The following DLAT variants were observed in gnomAD, a reference collection of about 807,000 sequenced individuals.
DLAT encodes the protein dihydrolipoyllysine-residue acetyltransferase component of pyruvate dehydrogenase complex, mitochondrial.
A neutral mutation model predicts 68.0 loss-of-function variants in DLAT; 43 were observed. That is an observed-to-expected ratio of 0.63 (90% CI 0.50 to 0.81). The LOEUF is 0.81. Ranked by LOEUF, DLAT falls within the 40% of genes least tolerant of loss-of-function variation. The pLI is 0.00. For synonymous variants in DLAT, 265 were observed against 288.6 expected, an observed-to-expected ratio of 0.92 and a Z score of 0.83; for missense variants, 745 against 815.4, an observed-to-expected ratio of 0.91 and a Z score of 1.05.
chr11:112,055,235 ATTTTT>A, intron 11 of DLAT, among the ~76,000 whole-genome samples: 1 of 75,454 alleles, frequency 1.3e-5, no homozygotes, highest in Non-Finnish European at 2.5e-5. Context: ...GTCAAGGCCT[ATTTTT>A]TTTTTTTTTT....
At chr11:112,046,978 A>G (rs1380496016) in intron 10 of DLAT, among the ~76,000 whole-genome samples, 1 of 152,216 alleles carries the variant, frequency 6.6e-6, no homozygotes, top group Non-Finnish European at 1.5e-5. Context: ...CTTTGGGTCT[A>G]TACCCAGTAA....
intron 11 of DLAT, among the ~76,000 whole-genome samples, chr11:112,057,291 A>G (rs73568040): frequency 0.025 from 3,799 of 152,294 alleles, 164 homozygotes; most frequent in African/African-American, 0.087. Context: ...GTAACTCTAC[A>G]ATGGCCTCTG....
chr11:112,029,846 C>A, intron 4 of DLAT: 1 of 600,386 alleles, frequency 1.7e-6, no homozygotes. Context: ...TACATCTCCC[C>A]GCACTTTGAG....
In DLAT at chr11:112,059,852, C is replaced by T. The variant is rs3882890; in HGVS notation, c.1515-51C>T. ...AAATATTCTTGCTTAACCTGGCACA[C>T]AGGCTCTTAATAAACAGTTTTTTAT... is the stretch of plus-strand genomic sequence containing the variant. On this transcript the variant is annotated intron_variant, in intron 11 of 13. Coordinates refer to ENST00000280346, the MANE Select transcript of DLAT (RefSeq NM_001931.5). The T allele has an allele frequency of 0.4, 574,078 of 1,451,596 alleles. 116,856 individuals are homozygous for T. Among genetic ancestry groups the T allele is most frequent in the African/African-American group, 0.61 (42,841 of 70,388 alleles). 89.9% of individuals were successfully genotyped at this position (1,451,596 alleles called of 1,614,324 possible).
intron 11 of DLAT, among the ~76,000 whole-genome samples, chr11:112,058,671 T>G (rs1248375453): frequency 6.6e-6 from 1 of 151,686 alleles, no homozygotes; most frequent in Non-Finnish European, 1.5e-5. Context: ...CATTTAGCAT[T>G]TCTTCCTTTT....
rs782757875 is a variant in DLAT at position 112,064,247 on chromosome 11, C to T, written c.*1712C>T. 1.3e-6 allele frequency: 2 copies of T among 1,537,584 alleles called. No homozygotes were observed. The highest frequency in any genetic ancestry group is 1.8e-6 in the Non-Finnish European group (2 of 1,142,290). On this transcript the variant is annotated 3_prime_UTR_variant, in exon 14 of 14. Transcript: ENST00000280346. ...CTTGAAAAAAAATAAAAACAGTTGCCTTCTAATAAACATTGTTGAGTTAAA... is the reference window on the plus strand; with the variant it reads ...CTTGAAAAAAAATAAAAACAGTTGCTTTCTAATAAACATTGTTGAGTTAAA...
At chr11:112,030,757 T>C (rs1862348913) in intron 4 of DLAT, among the ~76,000 whole-genome samples, 1 of 152,254 alleles carries the variant, frequency 6.6e-6, no homozygotes, top group Non-Finnish European at 1.5e-5. Context: ...CCAGCCGTCC[T>C]TTTCTAAATA....
At chr11:112,039,851 G>A (rs187576602) in intron 7 of DLAT, among the ~76,000 whole-genome samples, 1,942 of 152,254 alleles carry the variant, frequency 0.013, 149 homozygotes, top group Admixed American at 0.11. Flanking sequence ...AAGGGAAAAC[G>A]CCTTACTTGT....
chr11:112,054,010 A>G (rs1863837285), intron 11 of DLAT, among the ~76,000 whole-genome samples: 2 of 151,984 alleles, frequency 1.3e-5, no homozygotes, highest in South Asian at 4.2e-4. Context: ...ACAAATTTGG[A>G]TTAAATCTAT....
At chr11:112,038,235 G>A (rs1031891638) in intron 6 of DLAT, among the ~76,000 whole-genome samples, 8 of 152,214 alleles carry the variant, frequency 5.3e-5, no homozygotes, top group East Asian at 1.9e-4. Context: ...GTCTTGCTCC[G>A]TCACCCAGGC....
chr11:112,062,878 C>T lies in DLAT; in HGVS notation c.*343C>T, dbSNP rs1417913685. ...CCTAAAGACAAGTACATAAAGGTGA[C>T]CCTGATGAAACCTTGAAGTTCTGAA... On this transcript the variant is annotated 3_prime_UTR_variant, in exon 14 of 14. Coordinates refer to ENST00000280346, the MANE Select transcript of DLAT (RefSeq NM_001931.5). 1.5e-5 allele frequency: 4 copies of T among 259,890 alleles called. No homozygotes were observed. The highest frequency in any genetic ancestry group is 3.0e-5 in the Non-Finnish European group (4 of 131,884). The allele number at this position is 259,890 out of a possible 1,614,324, so 16.1% of individuals were successfully genotyped here.
intron 7 of DLAT, among the ~76,000 whole-genome samples, chr11:112,042,819 T>C (rs978610250): frequency 1.3e-5 from 2 of 152,218 alleles, no homozygotes; most frequent in East Asian, 3.9e-4. Flanking sequence ...CGGGCCAGTT[T>C]AGAGCCTTGG....
chr11:112,026,175 T>C (rs556465), intron 1 of DLAT, 23 bp from the exon 2 acceptor site: 1 of 1,568,178 alleles, frequency 6.4e-7, no homozygotes, highest in African/African-American at 1.3e-5. Flanking sequence ...AAAATTTTAA[T>C]GTTTCTTCTT....
intron 10 of DLAT, among the ~76,000 whole-genome samples, chr11:112,048,260 C>G (rs1027927242): frequency 3.3e-5 from 5 of 152,088 alleles, no homozygotes; most frequent in Non-Finnish European, 5.9e-5. Flanking sequence ...CACAATTTGG[C>G]TCTCTGTTTG....
Position 112,062,471 on chromosome 11 carries a change from T to C in DLAT, c.1880T>C (p.Val627Ala), listed in dbSNP as rs782428411. 4 of 1,612,804 alleles carry C rather than the reference T, an allele frequency of 2.5e-6. No homozygotes were observed. ...SCDHRVVDGA[V>A]GAQWLAEFRK... The stretch of plus-strand genomic sequence containing the variant: ...GATCACCGGGTGGTGGATGGAGCAG[T>C]TGGAGCCCAGTGGCTTGCTGAGTTT... The change falls in exon 14 of 14, where the codon GTT (valine) becomes GCT (alanine). Residue 627 changes from valine to alanine, a missense_variant. Coordinates refer to ENST00000280346, the MANE Select transcript of DLAT (RefSeq NM_001931.5).
At chr11:112,043,367 A>G in intron 7 of DLAT, 99 bp from the exon 8 acceptor site, 12 of 1,116,042 alleles carry the variant, frequency 1.1e-5, no homozygotes, top group Non-Finnish European at 1.7e-5. Context: ...TGTTTTTGGT[A>G]GTAAACCCTT....
At chr11:112,036,201 G>GTGTGTGTGT (rs1555180455) in intron 5 of DLAT, among the ~76,000 whole-genome samples, 44 of 36,468 alleles carry the variant, frequency 1.2e-3, no homozygotes, top group Admixed American at 2.2e-3. Context: ...GTGTGTGTGT[G>GTGTGTGTGT]TTTTTTTTTT....
Position 112,064,330 on chromosome 11 carries a change from A to G in DLAT, c.*1795A>G, listed in dbSNP as rs1864822454. On this transcript the variant is annotated 3_prime_UTR_variant, in exon 14 of 14. Transcript: ENST00000280346. ...GTCTCTTACCAGAACTGAAAGAAAAAAGTTAGAAATAGTGTTTTTGGTTCA... is the reference window on the plus strand; with the variant it reads ...GTCTCTTACCAGAACTGAAAGAAAAGAGTTAGAAATAGTGTTTTTGGTTCA... 2 of 934,508 alleles carry G rather than the reference A, an allele frequency of 2.1e-6. No homozygotes were observed. Among genetic ancestry groups the G allele is most frequent in the Non-Finnish European group, 3.0e-6 (2 of 662,590 alleles). 57.9% of individuals were successfully genotyped at this position (934,508 alleles called of 1,614,324 possible).
Position 112,028,921 on chromosome 11 carries a change from T to A in DLAT, c.636T>A (p.Gly212=). The part of the protein sequence containing the change: ...SPPTPSAQAP[G]SSYPPHMQVL... ...CTACACCTTCTGCTCAGGCTCCTGG[T>A]AGCTCATATCCCCCTCACATGCAGG... The change falls in exon 4 of 14, where the codon GGT becomes GGA. Residue 212 remains glycine, a synonymous_variant. Coordinates refer to ENST00000280346, the MANE Select transcript of DLAT (RefSeq NM_001931.5). 6.2e-7 allele frequency: 1 copy of A among 1,614,192 alleles called. No homozygotes were observed. The highest frequency in any genetic ancestry group is 8.5e-7 in the Non-Finnish European group (1 of 1,180,034).
Sources: gnomAD v4.1 joint callset for allele counts (sites outside exome capture counted in the v4.1 genomes callset) on GRCh38, gnomAD v4.1.1 for gene constraint, MANE v1.5 for transcripts, NCBI Gene and HGNC (gene_info 2026-07-23, HGNC 2026-07-21) for gene names.